Variants in AKAP7 observed in about 807,000 individuals in gnomAD.
AKAP7 encodes the protein A-kinase anchoring protein 7.
Under a neutral mutation model 39.5 loss-of-function variants are expected in AKAP7, and 39 were observed. The observed-to-expected ratio is 0.99, with a 90% CI of 0.76 to 1.29. The LOEUF is 1.29. Ranked by LOEUF, AKAP7 falls within the 50% of genes most tolerant of loss-of-function variation. The probability of loss-of-function intolerance (pLI) is 0.00; values close to 1 mark genes in which losing one functional copy is unlikely to be tolerated. For synonymous variants in AKAP7, 140 were observed against 139.1 expected, an observed-to-expected ratio of 1.01 and a Z score of -0.05; for missense variants, 414 against 407.7, an observed-to-expected ratio of 1.02 and a Z score of -0.13.
chr6:131,270,394 A>C (rs1402223721), intron 7 of AKAP7, among the ~76,000 whole-genome samples: 1 of 152,224 alleles, frequency 6.6e-6, no homozygotes, highest in African/African-American at 2.4e-5. Flanking sequence ...TGCCTGTATC[A>C]GTATTTCATT....
chr6:131,145,191 T>C lies in AKAP7; in HGVS notation c.20-94T>C, dbSNP rs1418065283. 16 of 874,936 alleles carry C rather than the reference T, an allele frequency of 1.8e-5. No individual in the cohort carries two copies. The East Asian group carries it at 4.3e-4, about 23-fold the overall frequency. 54.2% of individuals were successfully genotyped at this position (874,936 alleles called of 1,614,324 possible). ...ATTTCTTAACAGATGTTAATTTATATTGAAATCAGTGAGCTGAGTTATTTT... is the reference window on the plus strand; with the variant it reads ...ATTTCTTAACAGATGTTAATTTATACTGAAATCAGTGAGCTGAGTTATTTT... On this transcript the variant is annotated intron_variant, in intron 1 of 7. Transcript: ENST00000431975.
At chr6:131,179,511 A>T (rs1804915980) in intron 5 of AKAP7, among the ~76,000 whole-genome samples, 1 of 152,124 alleles carries the variant, frequency 6.6e-6, no homozygotes, top group Non-Finnish European at 1.5e-5. Context: ...TTGTGGCTAG[A>T]TTAGGCTCCA....
chr6:131,135,706 G>A lies in AKAP7; in HGVS notation c.-58G>A. ...TCGGCCTCGCCTCCAGCCCCGGGAC[G>A]CGGCCCGCCACCGCCGCTGCCGCCA... is the stretch of plus-strand genomic sequence containing the variant. On this transcript the variant is annotated 5_prime_UTR_variant, in exon 1 of 8. Transcript: ENST00000431975. 1 of 1,177,054 alleles carries A rather than the reference G, an allele frequency of 8.5e-7. No homozygotes were observed. The highest frequency in any genetic ancestry group is 1.0e-6 in the Non-Finnish European group (1 of 955,174). 72.9% of individuals were successfully genotyped at this position (1,177,054 alleles called of 1,614,324 possible).
chr6:131,256,112 A>T (rs1352414719), intron 7 of AKAP7, among the ~76,000 whole-genome samples: 2 of 152,190 alleles, frequency 1.3e-5, no homozygotes, highest in Admixed American at 1.3e-4. Context: ...CTGGGATCCT[A>T]GGCAGCTCAG....
the AKAP7 span, among the ~76,000 whole-genome samples, chr6:131,128,822 CA>C: frequency 0.14 from 17,208 of 124,832 alleles, 1,098 homozygotes; most frequent in South Asian, 0.18. Context: ...AACTCCATCT[CA>C]AAAAAAAAAA....
intron 4 of AKAP7, among the ~76,000 whole-genome samples, chr6:131,167,957 T>C (rs1252474709): frequency 2.0e-5 from 3 of 152,186 alleles, no homozygotes; most frequent in Admixed American, 1.3e-4. Context: ...ATGAATGTGC[T>C]TAGTTCTTTT....
At chr6:131,190,070 C>T (rs181151243) in intron 5 of AKAP7, among the ~76,000 whole-genome samples, 18 of 152,156 alleles carry the variant, frequency 1.2e-4, no homozygotes, top group East Asian at 5.8e-4. Flanking sequence ...TGACATTGCT[C>T]GAACCATTAC....
At chr6:131,176,209 T>C (rs908039070) in intron 5 of AKAP7, among the ~76,000 whole-genome samples, 1 of 151,980 alleles carries the variant, frequency 6.6e-6, no homozygotes, top group Non-Finnish European at 1.5e-5. Context: ...TGGTAGCCAC[T>C]TGAGGGAGCA....
At chr6:131,129,519 GT>G in the AKAP7 span, among the ~76,000 whole-genome samples, 1 of 151,880 alleles carries the variant, frequency 6.6e-6, no homozygotes, top group East Asian at 1.9e-4. Flanking sequence ...TATTCCATAA[GT>G]TTTTCTGAAT....
At chr6:131,252,893 CA>C in intron 7 of AKAP7, 1 of 775,608 alleles carries the variant, frequency 1.3e-6, no homozygotes, top group South Asian at 1.8e-5. Flanking sequence ...AAGCAGAGCA[CA>C]AAAATGTGAA....
chr6:131,139,413 C>G (rs1800839809), intron 1 of AKAP7, among the ~76,000 whole-genome samples: 1 of 152,076 alleles, frequency 6.6e-6, no homozygotes, highest in Non-Finnish European at 1.5e-5. Context: ...GTTTAATATG[C>G]TTTATTTAGC....
At chr6:131,243,715 A>G (rs1811788830) in intron 7 of AKAP7, among the ~76,000 whole-genome samples, 1 of 152,242 alleles carries the variant, frequency 6.6e-6, no homozygotes, top group Admixed American at 6.5e-5. Flanking sequence ...ATAGATTGAG[A>G]GCATTCCACA....
At chr6:131,241,913 C>T in intron 7 of AKAP7, 1 of 382,994 alleles carries the variant, frequency 2.6e-6, no homozygotes, top group African/African-American at 2.2e-5. Context: ...CTGTGTGATT[C>T]AAGATTGCAT....
At chr6:131,237,082 C>T (rs1811132974) in intron 7 of AKAP7, among the ~76,000 whole-genome samples, 1 of 152,136 alleles carries the variant, frequency 6.6e-6, no homozygotes, top group South Asian at 2.1e-4. Flanking sequence ...TACGGCCCAT[C>T]AATACCTAAT....
At chr6:131,145,008 G>C (rs1203704158) in intron 1 of AKAP7, among the ~76,000 whole-genome samples, 2 of 152,140 alleles carry the variant, frequency 1.3e-5, no homozygotes, top group African/African-American at 4.8e-5. Flanking sequence ...AGCTGTAAAA[G>C]ATCTTGAGGA....
rs1028300027 is a variant in AKAP7 at position 131,283,208 on chromosome 6, T to G, written c.*1482T>G. 6.6e-6 allele frequency: 1 copy of G among 152,656 alleles called. No homozygotes were observed. Among genetic ancestry groups the G allele is most frequent in the African/African-American group, 2.4e-5 (1 of 41,454 alleles). The allele number at this position is 152,656 out of a possible 1,614,324, so 9.5% of individuals were successfully genotyped here. The stretch of plus-strand genomic sequence containing the variant: ...AGGAATACATGTTTGGGATTTTTAT[T>G]TTTTACGTGTCCGAAGATAAGCTCC... On this transcript the variant is annotated 3_prime_UTR_variant, in exon 8 of 8. Coordinates refer to ENST00000431975, the MANE Select transcript of AKAP7 (RefSeq NM_016377.4).
chr6:131,195,340 C>T (rs1456341706), intron 5 of AKAP7, among the ~76,000 whole-genome samples: 1 of 152,090 alleles, frequency 6.6e-6, no homozygotes, highest in Non-Finnish European at 1.5e-5. Flanking sequence ...TTAACTTTGT[C>T]TTCTCACTTG....
intron 7 of AKAP7, among the ~76,000 whole-genome samples, chr6:131,231,273 G>GAC (rs1810602034): frequency 6.6e-6 from 1 of 151,992 alleles, no homozygotes; most frequent in Non-Finnish European, 1.5e-5. Context: ...TATGTGAAAT[G>GAC]ACTCATTTAA....
chr6:131,159,335 C>T (rs1802724877), intron 2 of AKAP7, among the ~76,000 whole-genome samples: 2 of 151,746 alleles, frequency 1.3e-5, no homozygotes, highest in African/African-American at 4.8e-5. Context: ...CCTCGTGATT[C>T]GCCCGCCTCG....
Sources: gnomAD v4.1 joint callset for allele counts (sites outside exome capture counted in the v4.1 genomes callset) on GRCh38, gnomAD v4.1.1 for gene constraint, MANE v1.5 for transcripts, NCBI Gene and HGNC (gene_info 2026-07-23, HGNC 2026-07-21) for gene names.